ASIC2: variants seen among roughly 807,000 people sequenced by gnomAD.
The protein encoded by ASIC2 is acid-sensing ion channel 2.
ASIC2 carries 25 observed loss-of-function variants against 57.3 expected under a neutral mutation model. The ratio of observed to expected loss-of-function variants is 0.44; its 90% CI spans 0.32 to 0.61. The LOEUF (loss-of-function observed/expected upper bound fraction) is 0.61. Ranked by LOEUF, ASIC2 falls within the 20% of genes least tolerant of loss-of-function variation. The pLI, the probability that ASIC2 is intolerant of heterozygous loss-of-function variation, is 0.06. For synonymous variants in ASIC2, 319 were observed against 307.5 expected (o/e 1.04, Z -0.39); for missense variants, 641 against 738.1 (o/e 0.87, Z 1.52).
At chr17:33,320,599 C>T (rs370847954) in intron 1 of ASIC2, among the ~76,000 whole-genome samples, 3 of 152,144 alleles carry the variant, frequency 2.0e-5, no homozygotes, top group Non-Finnish European at 4.4e-5. Flanking sequence ...TTGTTGGTTG[C>T]GAACACATCA....
chr17:33,756,695 AG>A (rs1910614258), intron 1 of ASIC2, among the ~76,000 whole-genome samples: 1 of 71,028 alleles, frequency 1.4e-5, no homozygotes, highest in Non-Finnish European at 5.6e-5. Flanking sequence ...AAACACTTAG[AG>A]AACCTCTTTA....
At chr17:33,504,949 G>A (rs912416194) in intron 1 of ASIC2, among the ~76,000 whole-genome samples, 1 of 152,170 alleles carries the variant, frequency 6.6e-6, no homozygotes, top group African/African-American at 2.4e-5. Context: ...GGAGCTGGCT[G>A]TGGCAGAACT....
upstream of ASIC2, among the ~76,000 whole-genome samples, chr17:33,295,178 G>A (rs1308458780): frequency 6.9e-6 from 1 of 145,268 alleles, no homozygotes; most frequent in African/African-American, 2.4e-5. Context: ...CCCTTGAAAT[G>A]TACATGTGCT....
At chr17:33,343,677 T>C (rs1907826207) in intron 1 of ASIC2, among the ~76,000 whole-genome samples, 1 of 152,184 alleles carries the variant, frequency 6.6e-6, no homozygotes, top group South Asian at 2.1e-4. Flanking sequence ...GCCTCAGCCT[T>C]ATTTTCTTCC....
intron 1 of ASIC2, among the ~76,000 whole-genome samples, chr17:33,682,226 A>T (rs1908030389): frequency 6.9e-6 from 1 of 145,970 alleles, no homozygotes; most frequent in Non-Finnish European, 1.5e-5. Flanking sequence ...TGCCTGGCTA[A>T]TTTTTTTTTT....
intron 1 of ASIC2, among the ~76,000 whole-genome samples, chr17:34,085,432 C>T (rs1255437382): frequency 4.6e-5 from 7 of 152,166 alleles, no homozygotes; most frequent in African/African-American, 1.4e-4. Context: ...CTGCTGGATT[C>T]GGTTTGCCAG....
chr17:34,044,116 ACACACACACG>A (rs1227563437), intron 1 of ASIC2, among the ~76,000 whole-genome samples: 18 of 95,050 alleles, frequency 1.9e-4, no homozygotes, highest in African/African-American at 7.0e-4. Flanking sequence ...ACACACACAC[ACACACACACG>A]CACGCACACA....
chr17:33,032,201 T>C (rs2091886323), intron 3 of ASIC2, among the ~76,000 whole-genome samples: 1 of 152,182 alleles, frequency 6.6e-6, no homozygotes, highest in African/African-American at 2.4e-5. Flanking sequence ...CTCTCTCTTC[T>C]GACTCTTTTT....
At chr17:33,841,520 T>G (rs578025975) in intron 1 of ASIC2, among the ~76,000 whole-genome samples, 1 of 152,352 alleles carries the variant, frequency 6.6e-6, no homozygotes, top group African/African-American at 2.4e-5. Context: ...TTTGAACCAC[T>G]GGGCTCTGTT....
intron 1 of ASIC2, among the ~76,000 whole-genome samples, chr17:33,634,192 A>G (rs1192245532): frequency 6.6e-6 from 1 of 152,198 alleles, no homozygotes; most frequent in Non-Finnish European, 1.5e-5. Context: ...CCCTGAATAT[A>G]CTGCCCACAT....
In ASIC2 at chr17:33,996,556, A is replaced by G. The variant is rs1157237716; in HGVS notation, c.555+159422T>C. ...TAGTATGAGATAAGGGTCCAATTTC[A>G]TTCTTCTGAATGTAGATATCAAGTT... is the stretch of plus-strand genomic sequence containing the variant. On this transcript the variant is annotated intron_variant, in intron 1 of 9. Transcript: ENST00000359872. Among the ~76,000 whole-genome samples the G allele has an allele frequency of 3.3e-5, 5 of 152,182 alleles. No homozygotes were observed. The East Asian group carries it at 5.8e-4, about 18-fold the overall frequency.
At chr17:33,438,867 T>G (rs1911724218) in intron 1 of ASIC2, among the ~76,000 whole-genome samples, 1 of 129,798 alleles carries the variant, frequency 7.7e-6, no homozygotes, top group Admixed American at 7.9e-5. Context: ...TTTTTTTTTT[T>G]GAGACAGGGT....
intron 1 of ASIC2, among the ~76,000 whole-genome samples, chr17:33,510,925 C>A (rs187879393): frequency 3.3e-5 from 5 of 152,360 alleles, no homozygotes; most frequent in African/African-American, 1.2e-4. Context: ...GGGGGTCATG[C>A]ACCCTCCGCA....
At chr17:33,020,794 C>T (rs189906570) in intron 7 of ASIC2, among the ~76,000 whole-genome samples, 1 of 152,230 alleles carries the variant, frequency 6.6e-6, no homozygotes, top group Non-Finnish European at 1.5e-5. Flanking sequence ...CCTCACCTCC[C>T]AGGTCCCACC....
At chr17:33,454,145 T>C (rs888534145) in intron 1 of ASIC2, among the ~76,000 whole-genome samples, 2 of 152,232 alleles carry the variant, frequency 1.3e-5, no homozygotes, top group African/African-American at 2.4e-5. Context: ...ATGGTGACAT[T>C]TCTTTTACTT....
At position 33,437,157 on chromosome 17, in the gene ASIC2, G is replaced by A. The variant is rs186217778; in HGVS notation, c.556-325090C>T. On this transcript the variant is annotated intron_variant, in intron 1 of 9. Coordinates refer to the ASIC2 transcript ENST00000359872. ...TGGGATTACAGGCGTGAGCCACCGC[G>A]CCCGGCCCCAACTTCTTTTGAGACA... Among the ~76,000 whole-genome samples the A allele has an allele frequency of 4.8e-3, 736 of 151,892 alleles. 4 individuals are homozygous for A. The highest frequency in any genetic ancestry group is 0.017 in the African/African-American group (690 of 41,434).
At chr17:33,210,006 G>T (rs779983175) in intron 1 of ASIC2, among the ~76,000 whole-genome samples, 2 of 152,248 alleles carry the variant, frequency 1.3e-5, no homozygotes, top group South Asian at 4.1e-4. Context: ...CTTTAACCCC[G>T]AAGTGGAAGA....
At chr17:33,655,458 C>T (rs115490137) in intron 1 of ASIC2, among the ~76,000 whole-genome samples, 1 of 152,260 alleles carries the variant, frequency 6.6e-6, no homozygotes, top group Non-Finnish European at 1.5e-5. Context: ...TTCCTTCTAG[C>T]TGCCATTGCA....
At chr17:33,593,164 G>A (rs984723933) in intron 1 of ASIC2, among the ~76,000 whole-genome samples, 1 of 152,204 alleles carries the variant, frequency 6.6e-6, no homozygotes, top group African/African-American at 2.4e-5. Context: ...GACGGAGAAA[G>A]GTTTTTGATA....
Sources: gnomAD v4.1 joint callset for allele counts (sites outside exome capture counted in the v4.1 genomes callset) on GRCh38, gnomAD v4.1.1 for gene constraint, MANE v1.5 for transcripts, NCBI Gene and HGNC (gene_info 2026-07-23, HGNC 2026-07-21) for gene names.